Variants in PLCXD3 observed in about 807,000 individuals in gnomAD.
PLCXD3 encodes the protein phosphatidylinositol specific phospholipase C X domain containing 3.
PLCXD3 carries 19 observed loss-of-function variants against 25.5 expected under a neutral mutation model. That is an observed-to-expected ratio of 0.75 (90% confidence interval 0.52 to 1.09). The LOEUF (loss-of-function observed/expected upper bound fraction) is 1.09, where lower values mean the gene tolerates loss of function less well. Ranked by LOEUF, PLCXD3 falls within the 50% of genes least tolerant of loss-of-function variation. PLCXD3 has a pLI of 0.00. For missense variants in PLCXD3, 411 were observed against 388.1 expected (o/e 1.06, Z -0.50); for synonymous variants, 174 against 137.6 (o/e 1.26, Z -1.85).
intron 1 of PLCXD3, among the ~76,000 whole-genome samples, chr5:41,468,113 G>A (rs977404654): frequency 3.5e-5 from 5 of 144,276 alleles, no homozygotes; most frequent in Non-Finnish European, 6.0e-5. Context: ...TGCCTCCTGG[G>A]TTGAAGCAAT....
chr5:41,390,664 G>T (rs540883478), intron 1 of PLCXD3, among the ~76,000 whole-genome samples: 1 of 152,174 alleles, frequency 6.6e-6, no homozygotes, highest in Non-Finnish European at 1.5e-5. Context: ...GGAATAGAAG[G>T]CTCCACCAAT....
intron 1 of PLCXD3, among the ~76,000 whole-genome samples, chr5:41,496,644 G>T (rs888240516): frequency 3.3e-5 from 3 of 90,906 alleles, no homozygotes; most frequent in East Asian, 2.9e-4. Context: ...AAAAAAAAAA[G>T]CCTAGAAAGT....
intron 1 of PLCXD3, among the ~76,000 whole-genome samples, chr5:41,480,377 T>A (rs1748378127): frequency 6.6e-6 from 1 of 151,112 alleles, no homozygotes; most frequent in Non-Finnish European, 1.5e-5. Flanking sequence ...GCAGCTCTTG[T>A]AGCTGTAACA....
At chr5:41,472,145 T>G (rs1405244063) in intron 1 of PLCXD3, among the ~76,000 whole-genome samples, 1 of 151,750 alleles carries the variant, frequency 6.6e-6, no homozygotes, top group African/African-American at 2.4e-5. Flanking sequence ...ACAAATGTAA[T>G]GAGTTCACAA....
intron 1 of PLCXD3, among the ~76,000 whole-genome samples, chr5:41,421,778 C>T (rs1746834694): frequency 6.6e-6 from 1 of 152,058 alleles, no homozygotes; most frequent in Non-Finnish European, 1.5e-5. Flanking sequence ...CTTAAATATA[C>T]GCACATTTTA....
intron 2 of PLCXD3, among the ~76,000 whole-genome samples, chr5:41,349,475 C>A (rs1164631690): frequency 3.3e-5 from 5 of 152,138 alleles, no homozygotes; most frequent in African/African-American, 1.2e-4. Context: ...GTATTAAATT[C>A]TGCCACAAGT....
At chr5:41,499,275 G>T (rs1051407570) in intron 1 of PLCXD3, among the ~76,000 whole-genome samples, 13 of 151,564 alleles carry the variant, frequency 8.6e-5, no homozygotes, top group African/African-American at 1.2e-4. Flanking sequence ...AAATAAATTT[G>T]TTAGAATTAA....
chr5:41,510,457 G>A lies in PLCXD3; in HGVS notation c.70C>T (p.His24Tyr). 1 of 1,611,354 alleles carries A rather than the reference G, an allele frequency of 6.2e-7. No individual in the cohort carries two copies. The highest frequency in any genetic ancestry group is 8.5e-7 in the Non-Finnish European group (1 of 1,178,708). ...DWMATLPESM[H>Y]SIPLTNLAIP... ...GCTAAATTGGTGAGGGGGATGCTGTGCATGCTCTCCGGCAGAGTTGCCATC... is the reference window on the plus strand; with the variant it reads ...GCTAAATTGGTGAGGGGGATGCTGTACATGCTCTCCGGCAGAGTTGCCATC... Residue 24 changes from histidine to tyrosine, a missense_variant, in exon 1 of 3, where the codon CAC (histidine) becomes TAC (tyrosine). Physicochemically the swap from His to Tyr is moderately conservative, Grantham distance 83 (BLOSUM62 2). Transcript: ENST00000377801.
At chr5:41,338,351 T>C (rs1744041796) in intron 2 of PLCXD3, among the ~76,000 whole-genome samples, 1 of 152,152 alleles carries the variant, frequency 6.6e-6, no homozygotes, top group African/African-American at 2.4e-5. Context: ...CATTGAAATG[T>C]CCTGAAGTTA....
intron 2 of PLCXD3, among the ~76,000 whole-genome samples, chr5:41,343,969 C>T (rs1744231777): frequency 6.6e-6 from 1 of 151,890 alleles, no homozygotes; most frequent in Non-Finnish European, 1.5e-5. Context: ...AACTGTATTG[C>T]TTTTTTTTCT....
rs1743150973 is a variant in PLCXD3 at position 41,312,206 on chromosome 5, T to C, written c.*1411A>G. The C allele has an allele frequency of 6.6e-6, 1 of 152,502 alleles. No individual in the cohort carries two copies. Among genetic ancestry groups the C allele is most frequent in the Non-Finnish European group, 1.5e-5 (1 of 68,002 alleles). 9.4% of individuals were successfully genotyped at this position (152,502 alleles called of 1,614,324 possible). ...TAGACCCGGACTATTAAACGTTAGG[T>C]TGCAGAAACTTTGTGTGAAACTTTT... On this transcript the variant is annotated 3_prime_UTR_variant, in exon 3 of 3. Coordinates refer to ENST00000377801, the MANE Select transcript of PLCXD3 (RefSeq NM_001005473.3).
chr5:41,508,745 A>T (rs988126292), intron 1 of PLCXD3, among the ~76,000 whole-genome samples: 1 of 152,256 alleles, frequency 6.6e-6, no homozygotes, highest in Non-Finnish European at 1.5e-5. Context: ...TATGCATATA[A>T]AAACATTCAG....
At chr5:41,443,982 G>C (rs1747442806) in intron 1 of PLCXD3, among the ~76,000 whole-genome samples, 2 of 152,116 alleles carry the variant, frequency 1.3e-5, no homozygotes, top group African/African-American at 4.8e-5. Flanking sequence ...AGTTAAAATA[G>C]TATTCTTTTA....
intron 1 of PLCXD3, among the ~76,000 whole-genome samples, chr5:41,402,582 G>A (rs999648281): frequency 2.6e-5 from 4 of 151,634 alleles, no homozygotes; most frequent in Non-Finnish European, 5.9e-5. Flanking sequence ...AGGTTAACCT[G>A]GTTGATAATG....
At chr5:41,355,581 C>T (rs1296719694) in intron 2 of PLCXD3, among the ~76,000 whole-genome samples, 1 of 152,192 alleles carries the variant, frequency 6.6e-6, no homozygotes. Flanking sequence ...TGGAGAGGAC[C>T]TCAATATCAG....
intron 1 of PLCXD3, among the ~76,000 whole-genome samples, chr5:41,466,874 G>A (rs887736527): frequency 1.3e-5 from 2 of 151,968 alleles, no homozygotes; most frequent in Admixed American, 6.6e-5. Context: ...ATACTGTCAC[G>A]AGTGACAGAA....
intron 1 of PLCXD3, among the ~76,000 whole-genome samples, chr5:41,499,877 C>T (rs1303527465): frequency 6.6e-6 from 1 of 151,616 alleles, no homozygotes; most frequent in East Asian, 1.9e-4. Context: ...TAAGAATACA[C>T]AATGGGGAAA....
At chr5:41,420,361 T>C (rs140218715) in intron 1 of PLCXD3, among the ~76,000 whole-genome samples, 2 of 152,354 alleles carry the variant, frequency 1.3e-5, no homozygotes, top group Non-Finnish European at 2.9e-5. Flanking sequence ...GAGTCACAGT[T>C]ATTATAGAAA....
At chr5:41,374,228 G>C (rs1745211973) in intron 2 of PLCXD3, among the ~76,000 whole-genome samples, 1 of 152,114 alleles carries the variant, frequency 6.6e-6, no homozygotes, top group Non-Finnish European at 1.5e-5. Flanking sequence ...TGTTAAGAAT[G>C]AAACACTTTG....
Sources: allele counts gnomAD v4.1 joint callset (sites outside exome capture counted in the v4.1 genomes callset), GRCh38; gene constraint gnomAD v4.1.1; transcripts MANE v1.5; gene names NCBI Gene and HGNC (gene_info 2026-07-23, HGNC 2026-07-21).